ZFP30: variants seen among roughly 807,000 people sequenced by gnomAD.
The protein encoded by ZFP30 is ZFP30 zinc finger protein.
A neutral mutation model predicts 12.3 loss-of-function variants in ZFP30; 16 were observed. The observed-to-expected ratio is 1.30, with a 90% CI of 0.88 to 1.98. The LOEUF is 1.98. Ranked by LOEUF, ZFP30 falls within the 30% of genes most tolerant of loss-of-function variation. The pLI, the probability that ZFP30 is intolerant of heterozygous loss-of-function variation, is 0.00. For synonymous variants in ZFP30, 172 were observed against 201.0 expected (o/e 0.86, Z 1.22); for missense variants, 560 against 611.2 (o/e 0.92, Z 0.88).
chr19:37,643,364 C>T lies in ZFP30; in HGVS notation c.137-1G>A. The T allele has an allele frequency of 6.4e-7, 1 of 1,567,048 alleles. No homozygotes were observed. On this transcript the variant is annotated splice_acceptor_variant, in intron 4 of 5. Transcript: ENST00000684514. LOFTEE classifies it high-confidence loss of function. ...TCTGGCTTAGAAATAGAACATCCTG[C>T]TTAAAAATAAATAATAGAATATAAT...
intron 5 of ZFP30, among the ~76,000 whole-genome samples, chr19:37,640,434 T>A (rs2044411343): frequency 6.7e-6 from 1 of 149,550 alleles, no homozygotes; most frequent in African/African-American, 2.4e-5. Flanking sequence ...AATTTAATAT[T>A]AACTAATAAA....
rs532422492 is a variant in ZFP30, at chr19:37,631,653, T to G, written c.*3328A>C. On this transcript the variant is annotated 3_prime_UTR_variant, in exon 6 of 6. Transcript: ENST00000684514. Reference sequence around the variant, plus strand: ...GGTTACACTTTTACATACATAAAATTCATTCCATTCTTAATACATAGAAAG... The same window carrying G: ...GGTTACACTTTTACATACATAAAATGCATTCCATTCTTAATACATAGAAAG... 1 of 146,848 alleles carries G rather than the reference T, an allele frequency of 6.8e-6. No individual in the cohort carries two copies. Among genetic ancestry groups the G allele is most frequent in the South Asian group, 2.2e-4 (1 of 4,630 alleles). The allele number at this position is 146,848 out of a possible 1,614,324, so 9.1% of individuals were successfully genotyped here.
chr19:37,652,671 A>G (rs2044675047), intron 2 of ZFP30, among the ~76,000 whole-genome samples: 3 of 152,230 alleles, frequency 2.0e-5, no homozygotes, highest in African/African-American at 4.8e-5. Flanking sequence ...TTATTTCTGG[A>G]CATTGGGACC....
Position 37,643,365 on chromosome 19 carries a change from TTAAAAA to T in ZFP30, c.137-8_137-3del. 1 of 1,567,898 alleles carries T rather than the reference TTAAAAA, an allele frequency of 6.4e-7. No individual in the cohort carries two copies. Among genetic ancestry groups the T allele is most frequent in the Non-Finnish European group, 8.6e-7 (1 of 1,158,448 alleles). ...CTGGCTTAGAAATAGAACATCCTGC[TTAAAAA>T]TAAATAATAGAATATAATAAAGAAT... On this transcript the variant is annotated splice_region_variant and splice_polypyrimidine_tract_variant and intron_variant, in intron 4 of 5. Coordinates refer to ENST00000684514, the MANE Select transcript of ZFP30 (RefSeq NM_001320669.3).
Position 37,639,092 on chromosome 19 carries a change from G to A in ZFP30, c.236-2787C>T, listed in dbSNP as rs547444182. 2.9e-4 allele frequency among the ~76,000 whole-genome samples: 44 copies of A among 152,096 alleles called. No homozygotes were observed. The South Asian group carries it at 6.9e-3, about 24-fold the overall frequency. ...GAACAGAAAATACTGCTATATAATC[G>A]TGTTTCTCTCTCTCTGTCTCTTTCT... On this transcript the variant is annotated intron_variant, in intron 5 of 5. Coordinates refer to ENST00000684514, the MANE Select transcript of ZFP30 (RefSeq NM_001320669.3).
upstream of ZFP30, chr19:37,655,872 A>G (rs1871197): frequency 0.15 from 23,353 of 152,206 alleles, 2,098 homozygotes; most frequent in Non-Finnish European, 0.21. Context: ...CGGGGGGCGA[A>G]CGCTGGGGCC....
intron 4 of ZFP30, among the ~76,000 whole-genome samples, chr19:37,643,635 T>C (rs900969232): frequency 2.6e-5 from 4 of 152,208 alleles, no homozygotes; most frequent in Admixed American, 6.5e-5. Context: ...CTGCACCTCA[T>C]TTTTCTCAGA....
intron 3 of ZFP30, 54 bp from the exon 4 acceptor site, chr19:37,644,790 A>T (rs996607992): frequency 5.1e-6 from 8 of 1,564,624 alleles, no homozygotes; most frequent in Non-Finnish European, 6.9e-6. Flanking sequence ...TATTTTGAAG[A>T]TGGAAGAAGG....
At chr19:37,644,024 T>C (rs1295680913) in intron 4 of ZFP30, among the ~76,000 whole-genome samples, 2 of 152,092 alleles carry the variant, frequency 1.3e-5, no homozygotes, top group African/African-American at 4.8e-5. Flanking sequence ...TGTAAATGAG[T>C]TACAAATAAC....
chr19:37,634,921 C>G lies in ZFP30; in HGVS notation c.*60G>C. ...GGATTCCCACGTTCAAAAACCTTTCCTCTAGAATGTACTTCCTATGCTCAA... is the reference window on the plus strand; with the variant it reads ...GGATTCCCACGTTCAAAAACCTTTCGTCTAGAATGTACTTCCTATGCTCAA... On this transcript the variant is annotated 3_prime_UTR_variant, in exon 6 of 6. Transcript: ENST00000684514. 2 of 1,462,448 alleles carry G rather than the reference C, an allele frequency of 1.4e-6. No individual in the cohort carries two copies. Among genetic ancestry groups the G allele is most frequent in the Non-Finnish European group, 1.8e-6 (2 of 1,109,372 alleles). 90.6% of individuals were successfully genotyped at this position (1,462,448 alleles called of 1,614,324 possible). A position where few individuals can be genotyped will look rare whatever the true frequency, so the allele number is the denominator to read the frequency against.
chr19:37,653,409 C>T (rs1236426815), intron 2 of ZFP30, among the ~76,000 whole-genome samples: 2 of 152,112 alleles, frequency 1.3e-5, no homozygotes, highest in Non-Finnish European at 2.9e-5. Context: ...AATAACTAAT[C>T]ATTAAATACC....
intron 2 of ZFP30, among the ~76,000 whole-genome samples, chr19:37,652,999 C>T (rs1017836511): frequency 3.3e-5 from 5 of 151,862 alleles, no homozygotes; most frequent in African/African-American, 4.8e-5. Context: ...CACCTGTAAT[C>T]CCAGCTACTT....
At chr19:37,637,392 T>C (rs1299219959) in intron 5 of ZFP30, among the ~76,000 whole-genome samples, 1 of 151,666 alleles carries the variant, frequency 6.6e-6, no homozygotes, top group Non-Finnish European at 1.5e-5. Flanking sequence ...GGTTTCACCA[T>C]CTTGGCCAAG....
At chr19:37,642,408 T>C (rs1396023967) in intron 5 of ZFP30, among the ~76,000 whole-genome samples, 4 of 152,216 alleles carry the variant, frequency 2.6e-5, no homozygotes, top group Non-Finnish European at 4.4e-5. Flanking sequence ...GACGTTCAAA[T>C]AGTCCCATCT....
chr19:37,645,021 T>C (rs932507470), intron 3 of ZFP30, among the ~76,000 whole-genome samples: 4 of 151,984 alleles, frequency 2.6e-5, no homozygotes, highest in South Asian at 2.1e-4. Flanking sequence ...CTGGCCAACA[T>C]AGTGAAACCC....
At position 37,634,115 on chromosome 19, in the gene ZFP30, C is replaced by G. The variant is rs2044277522; in HGVS notation, c.*866G>C. The stretch of plus-strand genomic sequence containing the variant: ...GTCTGTCAATACCTAGGAGTTCCAC[C>G]TTATTTCTTAAAATGCCATTTTATT... On this transcript the variant is annotated 3_prime_UTR_variant, in exon 6 of 6. Transcript: ENST00000684514. The G allele has an allele frequency of 6.6e-6, 1 of 152,120 alleles. No individual in the cohort carries two copies. Among genetic ancestry groups the G allele is most frequent in the African/African-American group, 2.4e-5 (1 of 41,422 alleles). 9.4% of individuals were successfully genotyped at this position (152,120 alleles called of 1,614,324 possible).
chr19:37,655,694 C>T (rs961729198), upstream of ZFP30: 2 of 152,178 alleles, frequency 1.3e-5, no homozygotes, highest in Non-Finnish European at 2.9e-5. Flanking sequence ...AGGCCTGCTC[C>T]CCTGTGGACA....
chr19:37,635,929 AT>A lies in ZFP30; in HGVS notation c.611del (p.His204LeufsTer88), dbSNP rs1842195695. 1 of 1,614,162 alleles carries A rather than the reference AT, an allele frequency of 6.2e-7. No individual in the cohort carries two copies. ...AFRQCAHLSR[H>X]QRIHTSDKLY... ...GTTTGTCAGAAGTATGAATTCTCTG[AT>A]GTCGACTGAGGTGGGCACACTGTCT... On this transcript the variant is annotated frameshift_variant, in exon 6 of 6. Transcript: ENST00000684514. LOFTEE classifies it low-confidence loss of function (END_TRUNC).
rs2044253104 is a variant in ZFP30 at position 37,632,767 on chromosome 19, A to G, written c.*2214T>C. On this transcript the variant is annotated 3_prime_UTR_variant, in exon 6 of 6. Transcript: ENST00000684514. ...CCACATTTCAGTGCTCAATAACTCA[A>G]TTTCAAGTGCTCAACAGGTTGCTAG... is the stretch of plus-strand genomic sequence containing the variant. 6.6e-6 allele frequency: 1 copy of G among 152,226 alleles called. No individual in the cohort carries two copies. The highest frequency in any genetic ancestry group is 1.5e-5 in the Non-Finnish European group (1 of 68,038). The allele number at this position is 152,226 out of a possible 1,614,324, so 9.4% of individuals were successfully genotyped here. A position where few individuals can be genotyped will look rare whatever the true frequency, so the allele number is the denominator to read the frequency against.
Sources: gnomAD v4.1 joint callset for allele counts (sites outside exome capture counted in the v4.1 genomes callset) on GRCh38, gnomAD v4.1.1 for gene constraint, MANE v1.5 for transcripts, NCBI Gene and HGNC (gene_info 2026-07-23, HGNC 2026-07-21) for gene names.